The following PARD3B variants were observed in gnomAD, a reference collection of about 807,000 sequenced individuals.
PARD3B encodes par-3 family cell polarity regulator beta.
In PARD3B, 103 loss-of-function variants were observed where a neutral mutation model predicts 130.2. That is an observed-to-expected ratio of 0.79 (90% CI 0.67 to 0.93). The LOEUF is 0.93. PARD3B is among the 40% of genes least tolerant of loss of function. The pLI, the probability that PARD3B is intolerant of heterozygous loss-of-function variation, is 0.00. For synonymous variants in PARD3B, 583 were observed against 553.2 expected, an observed-to-expected ratio of 1.05 and a Z score of -0.76; for missense variants, 1,609 against 1,499.2, an observed-to-expected ratio of 1.07 and a Z score of -1.21.
intron 3 of PARD3B, among the ~76,000 whole-genome samples, chr2:205,005,318 A>C (rs1300414611): frequency 6.6e-6 from 1 of 152,240 alleles, no homozygotes; most frequent in Non-Finnish European, 1.5e-5. Flanking sequence ...GAGGATGAAG[A>C]AAGCTGAAGG....
chr2:205,353,392 T>A (rs1029033871), intron 18 of PARD3B, among the ~76,000 whole-genome samples: 2 of 152,166 alleles, frequency 1.3e-5, no homozygotes, highest in Non-Finnish European at 2.9e-5. Flanking sequence ...ACTTAGCTAA[T>A]CCCTATGTTG....
chr2:204,567,993 A>G (rs1380009955), intron 1 of PARD3B, among the ~76,000 whole-genome samples: 1 of 152,236 alleles, frequency 6.6e-6, no homozygotes, highest in African/African-American at 2.4e-5. Flanking sequence ...TAAATTCTAA[A>G]TTATAGTTTT....
intron 2 of PARD3B, among the ~76,000 whole-genome samples, chr2:204,796,207 C>G (rs1351497402): frequency 6.6e-6 from 1 of 152,214 alleles, no homozygotes; most frequent in Non-Finnish European, 1.5e-5. Flanking sequence ...CTCCTTTCCT[C>G]TACCAGGGTG....
intron 3 of PARD3B, among the ~76,000 whole-genome samples, chr2:205,006,415 C>T (rs751217483): frequency 6.6e-6 from 1 of 152,190 alleles, no homozygotes; most frequent in Non-Finnish European, 1.5e-5. Flanking sequence ...TACTAATTTA[C>T]ATTTCCACCA....
intron 18 of PARD3B, among the ~76,000 whole-genome samples, chr2:205,302,398 G>C (rs1035254342): frequency 2.6e-5 from 4 of 152,052 alleles, no homozygotes; most frequent in Admixed American, 6.6e-5. Flanking sequence ...GCACAGTGGT[G>C]CATACCTGTA....
At chr2:205,064,479 CTGAT>C (rs1700243194) in intron 4 of PARD3B, among the ~76,000 whole-genome samples, 1 of 152,136 alleles carries the variant, frequency 6.6e-6, no homozygotes, top group African/African-American at 2.4e-5. Flanking sequence ...GAAAAAAAGT[CTGAT>C]TGGCCCAGAA....
At chr2:204,964,192 G>A (rs762814434) in intron 2 of PARD3B, among the ~76,000 whole-genome samples, 2 of 152,156 alleles carry the variant, frequency 1.3e-5, no homozygotes, top group Admixed American at 6.5e-5. Context: ...TGGAATGACA[G>A]TAGCATCCTG....
At chr2:205,013,143 G>A (rs905022579) in intron 3 of PARD3B, among the ~76,000 whole-genome samples, 2 of 152,104 alleles carry the variant, frequency 1.3e-5, no homozygotes, top group South Asian at 2.1e-4. Context: ...AGAACCAAAG[G>A]AACTTTTACT....
intron 18 of PARD3B, among the ~76,000 whole-genome samples, chr2:205,378,048 G>C (rs930130661): frequency 6.6e-6 from 1 of 152,148 alleles, no homozygotes; most frequent in African/African-American, 2.4e-5. Flanking sequence ...TGGGATTACA[G>C]GCGTGAGTCA....
At chr2:204,547,028 C>A (rs548608815) in intron 1 of PARD3B, among the ~76,000 whole-genome samples, 1 of 152,306 alleles carries the variant, frequency 6.6e-6, no homozygotes, top group East Asian at 1.9e-4. Context: ...CCCAAATGCT[C>A]CTCAAACAGG....
In PARD3B at chr2:205,176,430, A is replaced by G. The variant is rs769175402; in HGVS notation, c.1792-15A>G. On this transcript the variant is annotated splice_polypyrimidine_tract_variant and intron_variant, in intron 12 of 22. Transcript: ENST00000406610. This position sits in a 1 kb window ranked among gnomAD's most constrained non-coding sequence, Gnocchi z 5.3. ...TATTAAAAATGCAAATGTAATTTTT[A>G]CTTTTATCTCTTAGGATCCTGCAGA... 68 of 1,581,220 alleles carry G rather than the reference A, an allele frequency of 4.3e-5. No homozygotes were observed. The African/African-American group carries it at 8.0e-4, about 19-fold the overall frequency.
intron 18 of PARD3B, among the ~76,000 whole-genome samples, chr2:205,363,813 C>A (rs1273735688): frequency 6.8e-6 from 1 of 147,226 alleles, no homozygotes; most frequent in Non-Finnish European, 1.5e-5. Flanking sequence ...TACAGGCATG[C>A]GCCACAACGC....
rs2054400725 is a variant in PARD3B at position 205,591,944 on chromosome 2, G to A, written c.3261-23512G>A. Reference sequence around the variant, plus strand: ...CAGGGAACGAAGACACCCAGGCATGGACATTAAGATTCAAGGCTAGGATCT... The same window carrying A: ...CAGGGAACGAAGACACCCAGGCATGAACATTAAGATTCAAGGCTAGGATCT... On this transcript the variant is annotated intron_variant, in intron 22 of 22. Coordinates refer to ENST00000406610, the MANE Select transcript of PARD3B (RefSeq NM_001302769.2). The surrounding 1 kb of genome is among the most constrained non-coding windows in gnomAD (Gnocchi z 4.2). 6.6e-6 allele frequency among the ~76,000 whole-genome samples: 1 copy of A among 152,176 alleles called. No individual in the cohort carries two copies.
intron 3 of PARD3B, among the ~76,000 whole-genome samples, chr2:204,994,973 T>A (rs1275974409): frequency 1.3e-5 from 2 of 151,220 alleles, no homozygotes; most frequent in African/African-American, 4.9e-5. Flanking sequence ...CCTATGTGTG[T>A]CTCTGCACGT....
chr2:204,800,400 T>A (rs186436067), intron 2 of PARD3B, among the ~76,000 whole-genome samples: 15 of 151,932 alleles, frequency 9.9e-5, no homozygotes, highest in African/African-American at 2.7e-4. Context: ...AAAGGGCAAA[T>A]TTAAGTTAGT....
chr2:205,225,973 T>TTTCTTTTGC (rs2038518931), intron 15 of PARD3B, among the ~76,000 whole-genome samples: 1 of 152,230 alleles, frequency 6.6e-6, no homozygotes, highest in African/African-American at 2.4e-5. Flanking sequence ...TTGTTCACTG[T>TTTCTTTTGC]TTCTTTTGCT....
intron 1 of PARD3B, among the ~76,000 whole-genome samples, chr2:204,577,869 G>C (rs1271651752): frequency 6.6e-6 from 1 of 152,156 alleles, no homozygotes; most frequent in Non-Finnish European, 1.5e-5. Context: ...TGCCCAGCCA[G>C]TTTTCTCACT....
At chr2:205,303,674 T>A (rs1230331747) in intron 18 of PARD3B, among the ~76,000 whole-genome samples, 1 of 152,154 alleles carries the variant, frequency 6.6e-6, no homozygotes, top group South Asian at 2.1e-4. Context: ...GCTCTGGGCC[T>A]CCTCACTCCA....
At chr2:204,649,052 T>G (rs1374516905) in intron 1 of PARD3B, among the ~76,000 whole-genome samples, 1 of 126,108 alleles carries the variant, frequency 7.9e-6, no homozygotes, top group Non-Finnish European at 1.6e-5. Context: ...ATCATATAAA[T>G]AATATATATT....
Sources: gnomAD v4.1 joint callset for allele counts (sites outside exome capture counted in the v4.1 genomes callset) on GRCh38, gnomAD v4.1.1 for gene constraint, Gnocchi (gnomAD v3.1) non-coding constraint, MANE v1.5 for transcripts, NCBI Gene and HGNC (gene_info 2026-07-23, HGNC 2026-07-21) for gene names.